Variants in SCGB2A2 observed in about 807,000 individuals in gnomAD.
SCGB2A2 encodes the protein secretoglobin family 2A member 2.
Under a neutral mutation model 8.8 loss-of-function variants are expected in SCGB2A2, and 11 were observed. That is an observed-to-expected ratio of 1.25 (90% confidence interval 0.79 to 2.07). The LOEUF (loss-of-function observed/expected upper bound fraction) is 2.07, where lower values mean the gene tolerates loss of function less well. SCGB2A2 is among the 30% of genes most tolerant of loss of function. SCGB2A2 has a pLI of 0.00. For missense variants in SCGB2A2, 113 were observed against 109.9 expected, an observed-to-expected ratio of 1.03 and a Z score of -0.13; for synonymous variants, 42 against 40.9, an observed-to-expected ratio of 1.03 and a Z score of -0.10.
chr11:62,271,038 T>C lies in SCGB2A2; in HGVS notation c.213T>C (p.Asp71=), dbSNP rs1945273985. ...ELKECFLNQT[D]ETLSNVEVFM... ...AGGAATGTTTTCTTAACCAAACGGA[T>C]GAAACTCTGAGCAATGTTGAGGTGT... Residue 71 remains aspartate, a synonymous_variant, in exon 2 of 3, where the codon GAT becomes GAC. Transcript: ENST00000227918. The C allele has an allele frequency of 6.2e-7, 1 of 1,614,246 alleles. No homozygotes were observed. Among genetic ancestry groups the C allele is most frequent in the Admixed American group, 1.7e-5 (1 of 60,034 alleles).
chr11:62,272,871 G>A, intron 2 of SCGB2A2, 86 bp from the exon 3 acceptor site: 2 of 1,035,808 alleles, frequency 1.9e-6, no homozygotes, highest in South Asian at 3.2e-5. Context: ...GCAAACCGTG[G>A]AAAAAGATAA....
chr11:62,273,100 A>T lies in SCGB2A2; in HGVS notation c.*105A>T. ...TCTTTCTTATGTCTTTTTACTACAA[A>T]CTACAAGACAATTGTTGAAACCTGC... On this transcript the variant is annotated 3_prime_UTR_variant, in exon 3 of 3. Transcript: ENST00000227918. The T allele has an allele frequency of 1.3e-6, 1 of 774,898 alleles. No homozygotes were observed. Among genetic ancestry groups the T allele is most frequent in the Admixed American group, 2.6e-5 (1 of 38,236 alleles). 48.0% of individuals were successfully genotyped at this position (774,898 alleles called of 1,614,324 possible).
Position 62,270,905 on chromosome 11 carries a change from ATG to A in SCGB2A2, c.83_84del (p.Val28AspfsTer11). 6.2e-7 allele frequency: 1 copy of A among 1,614,006 alleles called. No homozygotes were observed. Among genetic ancestry groups the A allele is most frequent in the Middle Eastern group, 1.6e-4 (1 of 6,062 alleles). On this transcript the variant is annotated frameshift_variant, in exon 2 of 3. Coordinates refer to ENST00000227918, the MANE Select transcript of SCGB2A2 (RefSeq NM_002411.4). LOFTEE classifies it high-confidence loss of function. ...GGCTCTGGCTGCCCCTTATTGGAGA[ATG>A]TGATTTCCAAGACAATCAATCCACA...
Position 62,270,187 on chromosome 11 carries a change from CGA to C in SCGB2A2, c.-29_-28del. ...CGGCTTCCTTGATCCTTGCCACCCG[CGA>C]CTGAACACCGACAGCAGCAGCCTCA... is the stretch of plus-strand genomic sequence containing the variant. On this transcript the variant is annotated 5_prime_UTR_variant, in exon 1 of 3. Coordinates refer to ENST00000227918, the MANE Select transcript of SCGB2A2 (RefSeq NM_002411.4). 6.2e-7 allele frequency: 1 copy of C among 1,612,756 alleles called. No individual in the cohort carries two copies. The highest frequency in any genetic ancestry group is 8.5e-7 in the Non-Finnish European group (1 of 1,179,046).
At position 62,271,969 on chromosome 11, in the gene SCGB2A2, A is replaced by G. The variant is rs74706132; in HGVS notation, c.243+901A>G. On this transcript the variant is annotated intron_variant, in intron 2 of 2. Coordinates refer to ENST00000227918, the MANE Select transcript of SCGB2A2 (RefSeq NM_002411.4). Reference sequence around the variant, plus strand: ...AATAGTTTTGTATTTCTTTCTAACTATACATGTATATTGTTGAGGGTTTTC... The same window carrying G: ...AATAGTTTTGTATTTCTTTCTAACTGTACATGTATATTGTTGAGGGTTTTC... 2,321 of 903,872 alleles carry G rather than the reference A, an allele frequency of 2.6e-3. 4 individuals are homozygous for G. Among genetic ancestry groups the G allele is most frequent in the Non-Finnish European group, 2.9e-3 (2,238 of 762,826 alleles). 56.0% of individuals were successfully genotyped at this position (903,872 alleles called of 1,614,324 possible). A position where few individuals can be genotyped will look rare whatever the true frequency, so the allele number is the denominator to read the frequency against.
Position 62,270,266 on chromosome 11 carries a change from A to G in SCGB2A2, c.50A>G (p.Tyr17Cys). The G allele has an allele frequency of 3.7e-6, 6 of 1,613,874 alleles. No individual in the cohort carries two copies. Among genetic ancestry groups the G allele is most frequent in the Non-Finnish European group, 5.1e-6 (6 of 1,179,908 alleles). Reference sequence around the variant, plus strand: ...CTGGCGGCCCTCTCCCAGCACTGCTACGCAGGTGAGTTCTGTGCAGGGAGG... The same window carrying G: ...CTGGCGGCCCTCTCCCAGCACTGCTGCGCAGGTGAGTTCTGTGCAGGGAGG... ...LMLAALSQHC[Y>C]AGSGCPLLEN... Residue 17 changes from tyrosine (Y) to cysteine (C), a missense_variant, in exon 1 of 3, where the codon TAC becomes TGC. Physicochemically the swap from Tyr to Cys is radical, Grantham distance 194 (BLOSUM62 -2). Transcript: ENST00000227918.
At chr11:62,271,692 G>T in intron 2 of SCGB2A2, 5 of 986,668 alleles carry the variant, frequency 5.1e-6, no homozygotes, top group Non-Finnish European at 6.0e-6. Flanking sequence ...AGACCAATCT[G>T]CAGAGAAAAC....
rs1328519922 is a variant in SCGB2A2 at position 62,272,959 on chromosome 11, AT to A, written c.248del (p.Leu83Ter). The A allele has an allele frequency of 2.5e-6, 4 of 1,604,536 alleles. No homozygotes were observed. The highest frequency in any genetic ancestry group is 3.4e-6 in the Non-Finnish European group (4 of 1,175,358). On this transcript the variant is annotated frameshift_variant, in exon 3 of 3. Transcript: ENST00000227918. LOFTEE classifies it low-confidence loss of function (END_TRUNC). ...TLSNVEVFMQ[L>X]IYDSSLCDLF ...ATGTCTCTGTTTTTGCTTTCTAGCA[AT>A]TAATATATGACAGCAGTCTTTGTGA...
At chr11:62,270,402 A>C in intron 1 of SCGB2A2, 131 bp downstream of exon 1, 85 of 828,880 alleles carry the variant, frequency 1.0e-4, no homozygotes, top group Middle Eastern at 2.5e-4. Context: ...AACAGATCTC[A>C]CCATGTTGCC....
At chr11:62,271,878 C>T (rs1399432843) in intron 2 of SCGB2A2, 1 of 984,674 alleles carries the variant, frequency 1.0e-6, no homozygotes, top group Non-Finnish European at 1.2e-6. Context: ...TTGGACTATC[C>T]AATAGGCAAC....
intron 2 of SCGB2A2, among the ~76,000 whole-genome samples, chr11:62,272,534 G>T (rs944153941): frequency 1.1e-4 from 16 of 152,048 alleles, no homozygotes; most frequent in Non-Finnish European, 2.4e-4. Flanking sequence ...ACAGATCATA[G>T]TCTGCAGCTC....
Position 62,271,043 on chromosome 11 carries a change from C to A in SCGB2A2, c.218C>A (p.Thr73Asn). ...KECFLNQTDETLSNVEVFMQL... is the reference protein window; with the variant it reads ...KECFLNQTDENLSNVEVFMQL... Reference sequence around the variant, plus strand: ...TGTTTTCTTAACCAAACGGATGAAACTCTGAGCAATGTTGAGGTGTTTATG... The same window carrying A: ...TGTTTTCTTAACCAAACGGATGAAAATCTGAGCAATGTTGAGGTGTTTATG... The change falls in exon 2 of 3, where the codon ACT becomes AAT. Residue 73 changes from threonine to asparagine, a missense_variant. Physicochemically the swap from Thr to Asn is moderately conservative, Grantham distance 65. Coordinates refer to ENST00000227918, the MANE Select transcript of SCGB2A2 (RefSeq NM_002411.4). 3.1e-6 allele frequency: 5 copies of A among 1,614,212 alleles called. No homozygotes were observed. The highest frequency in any genetic ancestry group is 1.6e-4 in the Middle Eastern group (1 of 6,062).
intron 1 of SCGB2A2, 71 bp downstream of exon 1, chr11:62,270,342 G>A: frequency 7.3e-7 from 1 of 1,366,898 alleles, no homozygotes; most frequent in Non-Finnish European, 1.0e-6. Context: ...AAGAACTCCT[G>A]CTCCCCAATT....
intron 1 of SCGB2A2, 27 bp downstream of exon 1, chr11:62,270,298 T>G (rs1362912304): frequency 4.3e-6 from 7 of 1,610,986 alleles, no homozygotes; most frequent in Non-Finnish European, 5.9e-6. Flanking sequence ...GAGGGCTGCC[T>G]CGGGGTTAGG....
intron 2 of SCGB2A2, chr11:62,271,988 G>A (rs1289414205): frequency 1.2e-6 from 1 of 867,088 alleles, no homozygotes; most frequent in African/African-American, 2.0e-5. Context: ...TATTGTTGAG[G>A]GTTTTCTTTA....
intron 1 of SCGB2A2, 140 bp downstream of exon 1, chr11:62,270,411 C>A (rs1208619981): frequency 1.0e-5 from 8 of 787,182 alleles, no homozygotes; most frequent in South Asian, 8.1e-5. Flanking sequence ...CACCATGTTG[C>A]CCAGGCTGGT....
intron 2 of SCGB2A2, chr11:62,271,976 T>C: frequency 5.5e-6 from 5 of 906,446 alleles, no homozygotes; most frequent in Non-Finnish European, 5.3e-6. Flanking sequence ...ACTATACATG[T>C]ATATTGTTGA....
intron 1 of SCGB2A2, 59 bp from the exon 2 acceptor site, chr11:62,270,822 C>T: frequency 1.5e-6 from 2 of 1,321,110 alleles, no homozygotes; most frequent in Non-Finnish European, 2.2e-6. Context: ...TGTAATAGGT[C>T]TGCCCCAAGC....
intron 2 of SCGB2A2, 169 bp downstream of exon 2, chr11:62,271,237 A>G (rs1366551275): frequency 6.6e-7 from 1 of 1,506,106 alleles, no homozygotes; most frequent in South Asian, 1.3e-5. Context: ...AAAAACATCC[A>G]GTGTCCCTGT....
Sources: gnomAD v4.1 joint callset for allele counts (sites outside exome capture counted in the v4.1 genomes callset) on GRCh38, gnomAD v4.1.1 for gene constraint, MANE v1.5 for transcripts, NCBI Gene and HGNC (gene_info 2026-07-23, HGNC 2026-07-21) for gene names.